The following ZNF2 variants were observed in gnomAD, a reference collection of about 807,000 sequenced individuals.
The protein encoded by ZNF2 is zinc finger protein 2.
ZNF2 carries 12 observed loss-of-function variants against 21.9 expected under a neutral mutation model. That is an observed-to-expected ratio of 0.55 (90% CI 0.35 to 0.89). The LOEUF (loss-of-function observed/expected upper bound fraction) is 0.89, where lower values mean the gene tolerates loss of function less well. ZNF2 is among the 40% of genes least tolerant of loss of function. The probability of loss-of-function intolerance (pLI) is 0.01; values close to 1 mark genes in which losing one functional copy is unlikely to be tolerated. For missense variants in ZNF2, 462 were observed against 544.2 expected (o/e 0.85, Z 1.50); for synonymous variants, 186 against 196.3 (o/e 0.95, Z 0.44).
intron 3 of ZNF2, among the ~76,000 whole-genome samples, chr2:95,179,521 T>G (rs1259846532): frequency 1.3e-5 from 2 of 152,164 alleles, no homozygotes; most frequent in Non-Finnish European, 2.9e-5. Context: ...GTGACTTAAT[T>G]TCATTCTCAT....
rs1674441481 is a variant in ZNF2, at chr2:95,176,270, C to A, written c.33+11C>A. The A allele has an allele frequency of 6.2e-7, 1 of 1,614,160 alleles. No individual in the cohort carries two copies. The highest frequency in any genetic ancestry group is 8.5e-7 in the Non-Finnish European group (1 of 1,180,032). The stretch of plus-strand genomic sequence containing the variant: ...ACCACCAGATGCCAGGTGAGGTGGA[C>A]TTTTGTGTTCCCGAAATACTCCATT... On this transcript the variant is annotated intron_variant, in intron 2 of 4. Transcript: ENST00000614034.
intron 1 of ZNF2, among the ~76,000 whole-genome samples, chr2:95,166,851 G>A (rs1488878198): frequency 6.6e-6 from 1 of 152,200 alleles, no homozygotes; most frequent in African/African-American, 2.4e-5. Flanking sequence ...ATAGTTTTGA[G>A]GTGATGGTGG....
chr2:95,174,735 G>A (rs765545058), intron 1 of ZNF2, among the ~76,000 whole-genome samples: 17 of 152,142 alleles, frequency 1.1e-4, no homozygotes, highest in Non-Finnish European at 2.2e-4. Context: ...AATGCATCCT[G>A]GAGTGAAATA....
Position 95,176,218 on chromosome 2 carries a change from C to T in ZNF2, c.-9C>T. 6.2e-7 allele frequency: 1 copy of T among 1,614,178 alleles called. No homozygotes were observed. On this transcript the variant is annotated 5_prime_UTR_variant, in exon 2 of 5. Transcript: ENST00000614034. ...TGCCCTTGTCCACAAGGAGAGCACACAGGAGAGAATGGCTGCTGTGTCTCC... is the reference window on the plus strand; with the variant it reads ...TGCCCTTGTCCACAAGGAGAGCACATAGGAGAGAATGGCTGCTGTGTCTCC...
chr2:95,167,505 C>CAAAAA (rs756206050), intron 1 of ZNF2, among the ~76,000 whole-genome samples: 9 of 44,752 alleles, frequency 2.0e-4, no homozygotes, highest in Non-Finnish European at 2.9e-4. Context: ...GACTCAGTCT[C>CAAAAA]AAAAAAAAAA....
chr2:95,172,489 TG>T (rs1213366084), intron 1 of ZNF2, among the ~76,000 whole-genome samples: 1 of 152,212 alleles, frequency 6.6e-6, no homozygotes, highest in African/African-American at 2.4e-5. Context: ...ATATGAAGAA[TG>T]GTAAGAAAAT....
chr2:95,166,037 C>T (rs1390818168), intron 1 of ZNF2, among the ~76,000 whole-genome samples, 177 bp downstream of exon 1: 1 of 152,040 alleles, frequency 6.6e-6, no homozygotes, highest in Non-Finnish European at 1.5e-5. Flanking sequence ...CATCCACCCC[C>T]GTGTGTGCGT....
In ZNF2 at chr2:95,170,001, A is replaced by G. The variant is rs1424454698; in HGVS notation, c.-40+4141A>G. On this transcript the variant is annotated intron_variant, in intron 1 of 4. Transcript: ENST00000614034. ...GGTTAAGAAACTTTCCTGAGGTAGC[A>G]CCGGTAGGAAGAGGCAGAGGTGGAT... is the stretch of plus-strand genomic sequence containing the variant. Among the ~76,000 whole-genome samples, 7 of 152,160 alleles carry G rather than the reference A, an allele frequency of 4.6e-5. No individual in the cohort carries two copies. The South Asian group carries it at 1.0e-3, about 23-fold the overall frequency.
chr2:95,171,816 TC>T (rs1674281937), intron 1 of ZNF2, among the ~76,000 whole-genome samples: 1 of 152,248 alleles, frequency 6.6e-6, no homozygotes, highest in South Asian at 2.1e-4. Flanking sequence ...CTTCCTGTAA[TC>T]CCATCACACC....
rs1674737330 is a variant in ZNF2 at position 95,183,064 on chromosome 2, C to T, written c.*958C>T. ...ACAGCCCAGCCTATACTTTTATCATCCCCAGCTCCCACTCCTGGCAGCAGT... is the reference window on the plus strand; with the variant it reads ...ACAGCCCAGCCTATACTTTTATCATTCCCAGCTCCCACTCCTGGCAGCAGT... On this transcript the variant is annotated 3_prime_UTR_variant, in exon 5 of 5. Coordinates refer to ENST00000614034, the MANE Select transcript of ZNF2 (RefSeq NM_021088.4). 1 of 152,208 alleles carries T rather than the reference C, an allele frequency of 6.6e-6. No individual in the cohort carries two copies. The highest frequency in any genetic ancestry group is 1.5e-5 in the Non-Finnish European group (1 of 68,052). The allele number at this position is 152,208 out of a possible 1,614,324, so 9.4% of individuals were successfully genotyped here. A position where few individuals can be genotyped will look rare whatever the true frequency, so the allele number is the denominator to read the frequency against.
intron 1 of ZNF2, among the ~76,000 whole-genome samples, chr2:95,166,191 A>C (rs1674028332): frequency 6.6e-6 from 1 of 151,348 alleles, no homozygotes; most frequent in South Asian, 2.1e-4. Context: ...CAAATCTAGG[A>C]TGCTGCCGCT....
chr2:95,172,851 G>C (rs1443109820), intron 1 of ZNF2, among the ~76,000 whole-genome samples: 1 of 151,408 alleles, frequency 6.6e-6, no homozygotes, highest in Non-Finnish European at 1.5e-5. Flanking sequence ...TGGCCAAGCT[G>C]GTCTTGAACT....
At chr2:95,171,353 C>A (rs556025702) in intron 1 of ZNF2, among the ~76,000 whole-genome samples, 1 of 152,042 alleles carries the variant, frequency 6.6e-6, no homozygotes, top group South Asian at 2.1e-4. Context: ...CTTCTTCCAG[C>A]CAGTGTATTG....
At position 95,177,680 on chromosome 2, in the gene ZNF2, A is replaced by G. The variant is rs1016935939; in HGVS notation, c.160+71A>G. 2.2e-5 allele frequency: 33 copies of G among 1,531,818 alleles called. No homozygotes were observed. The African/African-American group carries it at 3.9e-4, about 18-fold the overall frequency. 94.9% of individuals were successfully genotyped at this position (1,531,818 alleles called of 1,614,324 possible). ...GTGGGGCTGAGAGGGCTGAGGAATT[A>G]ATACCGTTCTCCTCCCCGCTGAGTT... On this transcript the variant is annotated intron_variant, in intron 3 of 4. Transcript: ENST00000614034.
chr2:95,180,278 T>C lies in ZNF2; in HGVS notation c.274+6T>C. The C allele has an allele frequency of 6.3e-7, 1 of 1,591,552 alleles. No individual in the cohort carries two copies. On this transcript the variant is annotated splice_donor_region_variant and intron_variant, in intron 4 of 4. Transcript: ENST00000614034. ...GCCAGAGAGTGTCTCTCTAGGTAAC[T>C]GAGTGTGAACAAGACAGAATGGAAT...
intron 1 of ZNF2, among the ~76,000 whole-genome samples, chr2:95,169,336 C>T (rs1286356157): frequency 4.6e-5 from 7 of 152,230 alleles, no homozygotes; most frequent in Non-Finnish European, 1.0e-4. Flanking sequence ...TAACACTGAG[C>T]AGTTTCGACT....
intron 1 of ZNF2, among the ~76,000 whole-genome samples, chr2:95,175,122 A>G (rs896673781): frequency 6.6e-6 from 1 of 151,918 alleles, no homozygotes. Flanking sequence ...TGATCCTTCC[A>G]CCTCGGCTTC....
intron 1 of ZNF2, among the ~76,000 whole-genome samples, chr2:95,168,471 G>A (rs1417942196): frequency 6.6e-6 from 1 of 151,634 alleles, no homozygotes; most frequent in African/African-American, 2.4e-5. Context: ...CAAATTCTGA[G>A]AGGAAGCAAT....
chr2:95,179,549 C>T (rs906267568), intron 3 of ZNF2, among the ~76,000 whole-genome samples: 2 of 152,208 alleles, frequency 1.3e-5, no homozygotes, highest in African/African-American at 4.8e-5. Flanking sequence ...AAGCCAACGA[C>T]CTTCATCCTA....
Sources: gnomAD v4.1 joint callset for allele counts (sites outside exome capture counted in the v4.1 genomes callset) on GRCh38, gnomAD v4.1.1 for gene constraint, MANE v1.5 for transcripts, NCBI Gene and HGNC (gene_info 2026-07-23, HGNC 2026-07-21) for gene names.